Variants in KDM4C observed in about 807,000 individuals in gnomAD.
KDM4C encodes lysine-specific demethylase 4C.
In KDM4C, 81 loss-of-function variants were observed where a neutral mutation model predicts 129.3. That is an observed-to-expected ratio of 0.63 (90% CI 0.52 to 0.75). The LOEUF (loss-of-function observed/expected upper bound fraction) is 0.75, where lower values mean the gene tolerates loss of function less well. Ranked by LOEUF, KDM4C falls within the 30% of genes least tolerant of loss-of-function variation. KDM4C has a pLI of 0.00. For synonymous variants in KDM4C, 573 were observed against 456.1 expected, an observed-to-expected ratio of 1.26 and a Z score of -3.26; for missense variants, 1,457 against 1,304.0, an observed-to-expected ratio of 1.12 and a Z score of -1.81.
At chr9:6,931,186 C>G (rs943022027) in intron 8 of KDM4C, among the ~76,000 whole-genome samples, 1 of 151,748 alleles carries the variant, frequency 6.6e-6, no homozygotes, top group Non-Finnish European at 1.5e-5. Context: ...GCATGCATTG[C>G]TGGATACTCC....
intron 17 of KDM4C, among the ~76,000 whole-genome samples, chr9:7,091,112 G>C (rs1205878752): frequency 1.3e-5 from 2 of 152,106 alleles, no homozygotes; most frequent in Admixed American, 6.5e-5. Flanking sequence ...CTGATCTTCT[G>C]TTGAGTTCAT....
intron 15 of KDM4C, among the ~76,000 whole-genome samples, chr9:7,045,200 C>T (rs1490573132): frequency 6.6e-6 from 1 of 151,970 alleles, no homozygotes; most frequent in East Asian, 1.9e-4. Flanking sequence ...TGCTTTTGAG[C>T]AGCTTCCATG....
intron 5 of KDM4C, among the ~76,000 whole-genome samples, chr9:6,866,118 CAG>C (rs1395277733): frequency 3.3e-5 from 5 of 151,994 alleles, no homozygotes; most frequent in African/African-American, 1.2e-4. Context: ...CTCCTGACCT[CAG>C]GTGATCCACC....
At chr9:7,018,494 A>G (rs993576000) in intron 15 of KDM4C, among the ~76,000 whole-genome samples, 2 of 146,526 alleles carry the variant, frequency 1.4e-5, no homozygotes, top group African/African-American at 4.9e-5. Flanking sequence ...TATTCCTAGT[A>G]TATGAGCCAA....
Position 7,052,326 on chromosome 9 carries a change from A to C in KDM4C, c.2424+3126A>C, listed in dbSNP as rs1438729637. On this transcript the variant is annotated intron_variant, in intron 17 of 21. Transcript: ENST00000381309. Reference sequence around the variant, plus strand: ...TTGAATACTAATCAAGTTTCACCTAAGATTAAAATTCTGTGATGTATGTGT... The same window carrying C: ...TTGAATACTAATCAAGTTTCACCTACGATTAAAATTCTGTGATGTATGTGT... 3.3e-5 allele frequency among the ~76,000 whole-genome samples: 5 copies of C among 152,354 alleles called. No homozygotes were observed. In the East Asian group the frequency reaches 9.6e-4, roughly 29 times the overall value.
chr9:6,807,715 T>C (rs1306272712), intron 3 of KDM4C, among the ~76,000 whole-genome samples: 3 of 126,322 alleles, frequency 2.4e-5, no homozygotes, highest in East Asian at 2.7e-4. Flanking sequence ...GTGAGGAGCC[T>C]CTCCGCCCGG....
chr9:6,929,027 T>G (rs888663343), intron 8 of KDM4C, among the ~76,000 whole-genome samples: 3 of 152,216 alleles, frequency 2.0e-5, no homozygotes, highest in Admixed American at 1.3e-4. Flanking sequence ...CCTGCTTTCC[T>G]TATGCTGTTG....
At chr9:6,957,664 G>T (rs892047651) in intron 8 of KDM4C, among the ~76,000 whole-genome samples, 62 of 152,242 alleles carry the variant, frequency 4.1e-4, no homozygotes, top group East Asian at 5.8e-4. Context: ...CAATTGTGTT[G>T]TTTGTGAAAT....
chr9:6,810,294 T>C (rs1244693348), intron 3 of KDM4C, among the ~76,000 whole-genome samples: 3 of 152,142 alleles, frequency 2.0e-5, no homozygotes, highest in Non-Finnish European at 4.4e-5. Context: ...TCAGGTGACA[T>C]TGTTTTGTGT....
Position 7,027,419 on chromosome 9 carries a change from A to T in KDM4C, c.2259+11490A>T, listed in dbSNP as rs542276133. 1.3e-4 allele frequency among the ~76,000 whole-genome samples: 20 copies of T among 152,316 alleles called. No individual in the cohort carries two copies. The Middle Eastern group carries it at 0.014, about 104-fold the overall frequency. On this transcript the variant is annotated intron_variant, in intron 15 of 21. Transcript: ENST00000381309. ...GCAGGGACTCTTGTTCTCTTCCCTT[A>T]CTTTCTTCCAAACAAAGGGAGTCTC...
At chr9:7,165,411 G>A in intron 20 of KDM4C, 54 bp downstream of exon 20, 1 of 1,585,714 alleles carries the variant, frequency 6.3e-7, no homozygotes, top group Non-Finnish European at 8.6e-7. Flanking sequence ...TAAGTCAGAA[G>A]GAGATAGTAT....
chr9:7,091,519 C>G (rs1274692595), intron 17 of KDM4C, among the ~76,000 whole-genome samples: 1 of 152,080 alleles, frequency 6.6e-6, no homozygotes, highest in Non-Finnish European at 1.5e-5. Flanking sequence ...GCACAGATGT[C>G]TAGTTTCTTA....
chr9:7,123,738 G>T (rs1182559533), intron 18 of KDM4C, among the ~76,000 whole-genome samples: 1 of 152,188 alleles, frequency 6.6e-6, no homozygotes, highest in Non-Finnish European at 1.5e-5. Context: ...CCTGGGGATG[G>T]AGAGGAGACC....
intron 17 of KDM4C, among the ~76,000 whole-genome samples, chr9:7,096,511 T>C (rs1266601761): frequency 6.6e-6 from 1 of 152,200 alleles, no homozygotes; most frequent in East Asian, 1.9e-4. Context: ...CTTGCCCTTA[T>C]TCCTGTGCCA....
At chr9:7,096,151 A>G (rs774210193) in intron 17 of KDM4C, among the ~76,000 whole-genome samples, 8 of 152,234 alleles carry the variant, frequency 5.3e-5, no homozygotes, top group Non-Finnish European at 1.0e-4. Context: ...CAAACAGGCT[A>G]TGAGAGAAAT....
At chr9:7,095,465 C>T (rs1836310845) in intron 17 of KDM4C, among the ~76,000 whole-genome samples, 2 of 151,874 alleles carry the variant, frequency 1.3e-5, no homozygotes, top group Admixed American at 1.3e-4. Flanking sequence ...CTAGTCCTTG[C>T]TTCCATAATG....
chr9:6,773,920 TTTTATTA>T (rs1822444258), intron 1 of KDM4C, among the ~76,000 whole-genome samples: 1 of 151,928 alleles, frequency 6.6e-6, no homozygotes. Context: ...TTTTATTTAT[TTTTATTA>T]TTTATTTGTT....
chr9:7,128,931 T>A (rs777407863), intron 19 of KDM4C, among the ~76,000 whole-genome samples: 1 of 152,180 alleles, frequency 6.6e-6, no homozygotes, highest in Non-Finnish European at 1.5e-5. Flanking sequence ...CAGGGCTTGC[T>A]TTTTAGAAGG....
intron 2 of KDM4C, among the ~76,000 whole-genome samples, chr9:6,798,066 G>T (rs576191162): frequency 6.6e-6 from 1 of 152,220 alleles, no homozygotes; most frequent in Non-Finnish European, 1.5e-5. Context: ...GTTAAAATAA[G>T]ATTTTTGTTA....
Sources: allele counts gnomAD v4.1 joint callset (sites outside exome capture counted in the v4.1 genomes callset), GRCh38; gene constraint gnomAD v4.1.1; transcripts MANE v1.5; gene names NCBI Gene and HGNC (gene_info 2026-07-23, HGNC 2026-07-21).